ATG2A: variants seen among roughly 807,000 people sequenced by gnomAD.
ATG2A encodes autophagy related 2A.
ATG2A carries 103 observed loss-of-function variants against 214.2 expected under a neutral mutation model. The ratio of observed to expected loss-of-function variants is 0.48; its 90% confidence interval spans 0.41 to 0.57. ATG2A has a LOEUF of 0.57. ATG2A is among the 20% of genes least tolerant of loss of function. The pLI, the probability that ATG2A is intolerant of heterozygous loss-of-function variation, is 0.00. For missense variants in ATG2A, 2,312 were observed against 2,613.2 expected (o/e 0.88, Z 2.51); for synonymous variants, 1,160 against 1,142.1 (o/e 1.02, Z -0.32).
rs745610076 is a variant in ATG2A at position 64,901,989 on chromosome 11, G to A, written c.4092C>T (p.Ile1364=). The A allele has an allele frequency of 6.2e-7, 1 of 1,613,718 alleles. No individual in the cohort carries two copies. Among genetic ancestry groups the A allele is most frequent in the Non-Finnish European group, 8.5e-7 (1 of 1,180,008 alleles). ...GGATGCCCAGGCCGGGAGCATCAAG[G>A]ATGCAGAACTCATCACTGTCCAGGG... The part of the protein sequence containing the change: ...GDTLDSDEFC[I]LDAPGLGIPP... The change falls in exon 29 of 41, where the codon ATC becomes ATT. Residue 1364 remains isoleucine, a synonymous_variant. Coordinates refer to ENST00000377264, the MANE Select transcript of ATG2A (RefSeq NM_015104.3).
At position 64,914,465 on chromosome 11, in the gene ATG2A, C is replaced by T. The variant is rs915162998; in HGVS notation, c.207G>A (p.Pro69=). The T allele has an allele frequency of 4.3e-6, 7 of 1,612,746 alleles. No homozygotes were observed. Among genetic ancestry groups the T allele is most frequent in the African/African-American group, 1.3e-5 (1 of 74,936 alleles). Residue 69 remains proline (P), a synonymous_variant, in exon 2 of 41, where the codon CCG becomes CCA. Coordinates refer to ENST00000377264, the MANE Select transcript of ATG2A (RefSeq NM_015104.3). ...VNEVLESMES[P]LELVEGFVGS... ...CCACGAAGCCTTCCACCAGCTCCAGCGGTGACTCCATTGACTCCAGCACCT... is the reference window on the plus strand; with the variant it reads ...CCACGAAGCCTTCCACCAGCTCCAGTGGTGACTCCATTGACTCCAGCACCT...
In ATG2A at chr11:64,895,069, G is replaced by A. The variant is rs754268851; in HGVS notation, c.5721C>T (p.Ala1907=). The change falls in exon 41 of 41, where the codon GCC becomes GCT. Residue 1907 remains alanine (A), a synonymous_variant. Transcript: ENST00000377264. The surrounding 1 kb of genome is among the most constrained non-coding windows in gnomAD (Gnocchi z 5.0). ...VVKPLILATE[A]TSSLLGGMRN... ...GCATGCCCCCGAGCAGGCTGGACGT[G>A]GCCTCCGTGGCCAGGATGAGCGGCT... 19 of 1,613,002 alleles carry A rather than the reference G, an allele frequency of 1.2e-5. 1 individual carries two copies. The South Asian group carries it at 1.4e-4, about 12-fold the overall frequency.
In ATG2A at chr11:64,917,025, C is replaced by G. The variant is rs1439258600; in HGVS notation, c.111G>C (p.Gln37His). The G allele has an allele frequency of 6.2e-7, 1 of 1,613,868 alleles. No homozygotes were observed. Among genetic ancestry groups the G allele is most frequent in the Non-Finnish European group, 8.5e-7 (1 of 1,180,024 alleles). Residue 37 changes from glutamine to histidine, a missense_variant, in exon 1 of 41, where the codon CAG becomes CAC. Gln to His is a conservative substitution (Grantham distance 24). Coordinates refer to ENST00000377264, the MANE Select transcript of ATG2A (RefSeq NM_015104.3). ...TGCCCTTGTACAGATCGAGGCTGAGCTGGTCCAGGCTGAGGTGCTCTTGGA... is the reference window on the plus strand; with the variant it reads ...TGCCCTTGTACAGATCGAGGCTGAGGTGGTCCAGGCTGAGGTGCTCTTGGA... Reference protein sequence around the residue: ...HFFQEHLSLDQLSLDLYKGSV... With the variant: ...HFFQEHLSLDHLSLDLYKGSV...
chr11:64,909,811 C>A lies in ATG2A; in HGVS notation c.1977G>T (p.Trp659Cys). Residue 659 changes from tryptophan (W) to cysteine (C), a missense_variant, in exon 14 of 41, where the codon TGG (tryptophan) becomes TGT (cysteine). Physicochemically the swap from Trp to Cys is radical, Grantham distance 215 (BLOSUM62 -2). Coordinates refer to ENST00000377264, the MANE Select transcript of ATG2A (RefSeq NM_015104.3). ...IADLRPEPDP[W>C]AGQAVRAEQL... ...GCTCAGCCCGCACGGCCTGGCCCGC[C>A]CAGGGGTCCGGCTCAGGCCGCAGGT... The A allele has an allele frequency of 6.2e-7, 1 of 1,611,658 alleles. No individual in the cohort carries two copies. Among genetic ancestry groups the A allele is most frequent in the Non-Finnish European group, 8.5e-7 (1 of 1,179,544 alleles).
rs539120202 is a variant in ATG2A, at chr11:64,911,654, T to C, written c.1228+188A>G. 4.6e-5 allele frequency among the ~76,000 whole-genome samples: 7 copies of C among 152,282 alleles called. No homozygotes were observed. The East Asian group carries it at 1.4e-3, about 29-fold the overall frequency. On this transcript the variant is annotated intron_variant, in intron 9 of 40. Coordinates refer to ENST00000377264, the MANE Select transcript of ATG2A (RefSeq NM_015104.3). ...CAAGTGCTTGACTAAGATCAATGACTGAAAAACCTAGGCTCTGTCCACTCT... is the reference window on the plus strand; with the variant it reads ...CAAGTGCTTGACTAAGATCAATGACCGAAAAACCTAGGCTCTGTCCACTCT...
Position 64,895,060 on chromosome 11 carries a change from G to T in ATG2A, c.5730C>A (p.Ser1910Arg). The change falls in exon 41 of 41, where the codon AGC becomes AGA. Residue 1910 changes from serine to arginine, a missense_variant. Physicochemically the swap from Ser to Arg is moderately radical, Grantham distance 110. Coordinates refer to ENST00000377264, the MANE Select transcript of ATG2A (RefSeq NM_015104.3). This position sits in a 1 kb window ranked among gnomAD's most constrained non-coding sequence, Gnocchi z 5.0. ...PLILATEATSSLLGGMRNQIV... is the reference protein window; with the variant it reads ...PLILATEATSRLLGGMRNQIV... ...TCTGGTTGCGCATGCCCCCGAGCAGGCTGGACGTGGCCTCCGTGGCCAGGA... is the reference window on the plus strand; with the variant it reads ...TCTGGTTGCGCATGCCCCCGAGCAGTCTGGACGTGGCCTCCGTGGCCAGGA... 1 of 1,613,218 alleles carries T rather than the reference G, an allele frequency of 6.2e-7. No individual in the cohort carries two copies. The highest frequency in any genetic ancestry group is 1.1e-5 in the South Asian group (1 of 91,068).
chr11:64,907,069 C>G (rs1168789620), intron 19 of ATG2A, among the ~76,000 whole-genome samples, 186 bp downstream of exon 19: 1 of 152,242 alleles, frequency 6.6e-6, no homozygotes, highest in African/African-American at 2.4e-5. Flanking sequence ...GCTTTACATA[C>G]AGCAGGGGGT....
At chr11:64,906,892 T>C (rs1944573052) in intron 19 of ATG2A, 77 bp from the exon 20 acceptor site, 7 of 1,512,518 alleles carry the variant, frequency 4.6e-6, no homozygotes, top group Non-Finnish European at 6.2e-6. Flanking sequence ...TGGCGGCTCC[T>C]GGAGCCCTGG....
In ATG2A at chr11:64,912,087, G is replaced by A; in HGVS notation, c.1085C>T (p.Thr362Ile). ...LTNPLLNLDN[T>I]DLFFSMAGLT... is the part of the protein sequence containing the mutation. ...CCACGGTCTGACCCCACACCCACCAGTGTTATCCAGGTTGAGAAGGGGGTT... is the reference window on the plus strand; with the variant it reads ...CCACGGTCTGACCCCACACCCACCAATGTTATCCAGGTTGAGAAGGGGGTT... The change falls in exon 8 of 41, where the codon ACT becomes ATT. Residue 362 changes from threonine to isoleucine, a missense_variant and splice_region_variant. Coordinates refer to ENST00000377264, the MANE Select transcript of ATG2A (RefSeq NM_015104.3). 1 of 1,613,370 alleles carries A rather than the reference G, an allele frequency of 6.2e-7. No homozygotes were observed. The highest frequency in any genetic ancestry group is 8.5e-7 in the Non-Finnish European group (1 of 1,179,510).
rs1378735941 is a variant in ATG2A, at chr11:64,909,795, G to A, written c.1993C>T (p.Arg665Trp). The change falls in exon 14 of 41, where the codon CGG becomes TGG. Residue 665 changes from arginine to tryptophan, a missense_variant. Transcript: ENST00000377264. ...EPDPWAGQAV[R>W]AEQLRLELSE... ...AGCTCCAGCCGAAGCTGCTCAGCCC[G>A]CACGGCCTGGCCCGCCCAGGGGTCC... is the stretch of plus-strand genomic sequence containing the variant. 9 of 1,611,948 alleles carry A rather than the reference G, an allele frequency of 5.6e-6. No homozygotes were observed. Among genetic ancestry groups the A allele is most frequent in the African/African-American group, 1.3e-5 (1 of 74,944 alleles).
In ATG2A at chr11:64,907,970, C is replaced by T. The variant is rs1944619109; in HGVS notation, c.2365-80G>A. 3.4e-6 allele frequency: 5 copies of T among 1,490,500 alleles called. No homozygotes were observed. The South Asian group carries it at 6.1e-5, about 18-fold the overall frequency. The allele number at this position is 1,490,500 out of a possible 1,614,324, so 92.3% of individuals were successfully genotyped here. On this transcript the variant is annotated intron_variant, in intron 16 of 40. Transcript: ENST00000377264. Reference sequence around the variant, plus strand: ...GGCCTGTCTCTGGTCTCAGTCCTGCCCTCCTGTCGTTCATCATTCATTCAT... The same window carrying T: ...GGCCTGTCTCTGGTCTCAGTCCTGCTCTCCTGTCGTTCATCATTCATTCAT...
At position 64,911,100 on chromosome 11, in the gene ATG2A, A is replaced by G; in HGVS notation, c.1404T>C (p.Gly468=). The stretch of plus-strand genomic sequence containing the variant: ...GTCGAAGGTGATGGAAGTCTCGGGA[A>G]CCGAAGGGCCCATCCTTGGTGGCAT... The part of the protein sequence containing the change: ...EFDATKDGPF[G]SRDFHHLRPR... Residue 468 remains glycine, a synonymous_variant, in exon 10 of 41, where the codon GGT becomes GGC. Coordinates refer to ENST00000377264, the MANE Select transcript of ATG2A (RefSeq NM_015104.3). 6.2e-7 allele frequency: 1 copy of G among 1,614,066 alleles called. No homozygotes were observed. The highest frequency in any genetic ancestry group is 8.5e-7 in the Non-Finnish European group (1 of 1,180,012).
In ATG2A at chr11:64,914,353, G is replaced by T. The variant is rs780927417; in HGVS notation, c.319C>A (p.Pro107Thr). 5.6e-6 allele frequency: 9 copies of T among 1,605,926 alleles called. No homozygotes were observed. In the African/African-American group the frequency reaches 1.2e-4, roughly 21 times the overall value. Residue 107 changes from proline (P) to threonine (T), a missense_variant, in exon 2 of 41, where the codon CCC (proline) becomes ACC (threonine). By Grantham distance (38) the Pro-to-Thr change is conservative. Transcript: ENST00000377264. ...RVSGLQLTLQ[P>T]RRGPAPGAAD... ...CTGCCCTCACCTGGACCCCGGCGGG[G>T]CTGCAAGGTGAGCTGGAGGCCGGAC...
Position 64,907,516 on chromosome 11 carries a change from C to A in ATG2A, c.2647+9G>T. On this transcript the variant is annotated intron_variant, in intron 18 of 40. Coordinates refer to ENST00000377264, the MANE Select transcript of ATG2A (RefSeq NM_015104.3). Reference sequence around the variant, plus strand: ...CCTCCCTCTAGCCCAGCGTTAGCACCTCTCATACCCAGCTTGAAGGCTGAC... The same window carrying A: ...CCTCCCTCTAGCCCAGCGTTAGCACATCTCATACCCAGCTTGAAGGCTGAC... 1 of 1,612,702 alleles carries A rather than the reference C, an allele frequency of 6.2e-7. No homozygotes were observed. Among genetic ancestry groups the A allele is most frequent in the Non-Finnish European group, 8.5e-7 (1 of 1,179,694 alleles).
In ATG2A at chr11:64,907,315, G is replaced by A. The variant is rs1211182708; in HGVS notation, c.2772C>T (p.Ser924=). The stretch of plus-strand genomic sequence containing the variant: ...GCACTGTCACCAGTGTAGAGAAGGT[G>A]CTCTGCAAGTGAAGACTTGGGGCCT... ...APEAPSLHLQ[S]TFSTLVTVLK... is the part of the protein sequence containing the mutation. Residue 924 remains serine, a synonymous_variant, in exon 19 of 41, where the codon AGC becomes AGT. Coordinates refer to ENST00000377264, the MANE Select transcript of ATG2A (RefSeq NM_015104.3). The A allele has an allele frequency of 6.4e-7, 1 of 1,551,904 alleles. No individual in the cohort carries two copies. The highest frequency in any genetic ancestry group is 1.2e-5 in the South Asian group (1 of 84,118).
Position 64,913,559 on chromosome 11 carries a change from A to G in ATG2A, c.591-158T>C. 1 of 1,058,254 alleles carries G rather than the reference A, an allele frequency of 9.4e-7. No homozygotes were observed. 65.6% of individuals were successfully genotyped at this position (1,058,254 alleles called of 1,614,324 possible). A position where few individuals can be genotyped will look rare whatever the true frequency, so the allele number is the denominator to read the frequency against. ...TCCTGAACCACCATGTCCAGCCCGGAGGCTCAGGCCAGCCCTTGCTCCTCA... is the reference window on the plus strand; with the variant it reads ...TCCTGAACCACCATGTCCAGCCCGGGGGCTCAGGCCAGCCCTTGCTCCTCA... On this transcript the variant is annotated intron_variant, in intron 4 of 40. Transcript: ENST00000377264. This position sits in a 1 kb window ranked among gnomAD's most constrained non-coding sequence, Gnocchi z 4.3.
In ATG2A at chr11:64,909,875, G is replaced by A. The variant is rs781519870; in HGVS notation, c.1913C>T (p.Ala638Val). The change falls in exon 14 of 41, where the codon GCA becomes GTA. Residue 638 changes from alanine to valine, a missense_variant. By Grantham distance (64) the Ala-to-Val change is moderately conservative (BLOSUM62 0). Coordinates refer to ENST00000377264, the MANE Select transcript of ATG2A (RefSeq NM_015104.3). ...GCGCAGCCGCAGCGTGGCCCGGGGT[G>A]CAGAGAGCCGAAATACCGTCTGCTG... is the stretch of plus-strand genomic sequence containing the variant. Reference protein sequence around the residue: ...MEQQTVFRLSAPRATLRLRFP... With the variant: ...MEQQTVFRLSVPRATLRLRFP... 3.1e-6 allele frequency: 5 copies of A among 1,608,592 alleles called. No homozygotes were observed. In the East Asian group the frequency reaches 8.9e-5, roughly 29 times the overall value.
chr11:64,895,515 C>T lies in ATG2A; in HGVS notation c.5428-73G>A. On this transcript the variant is annotated intron_variant, in intron 39 of 40. Transcript: ENST00000377264. This position sits in a 1 kb window ranked among gnomAD's most constrained non-coding sequence, Gnocchi z 5.0. ...GTCAGCCCCAGGCCCCCAGGACAGT[C>T]TGAGACCCCACCAGCCCTCAGCCTC... 6.9e-7 allele frequency: 1 copy of T among 1,438,968 alleles called. No individual in the cohort carries two copies. The highest frequency in any genetic ancestry group is 1.4e-5 in the South Asian group (1 of 69,270). 89.1% of individuals were successfully genotyped at this position (1,438,968 alleles called of 1,614,324 possible).
Position 64,906,104 on chromosome 11 carries a change from C to T in ATG2A, c.3264+9G>A. On this transcript the variant is annotated intron_variant, in intron 22 of 40. Coordinates refer to ENST00000377264, the MANE Select transcript of ATG2A (RefSeq NM_015104.3). ...CTGGGCCATGTGGCTTCCCACCACC[C>T]ACGCTCACCTGGGAATGCCAGCTCT... is the stretch of plus-strand genomic sequence containing the variant. 6.4e-7 allele frequency: 1 copy of T among 1,566,788 alleles called. No homozygotes were observed. The highest frequency in any genetic ancestry group is 8.7e-7 in the Non-Finnish European group (1 of 1,155,212).
Sources: gnomAD v4.1 joint callset for allele counts (sites outside exome capture counted in the v4.1 genomes callset) on GRCh38, gnomAD v4.1.1 for gene constraint, Gnocchi (gnomAD v3.1) non-coding constraint, MANE v1.5 for transcripts, NCBI Gene and HGNC (gene_info 2026-07-23, HGNC 2026-07-21) for gene names.